The following NEK4 variants were observed in gnomAD, a reference collection of about 807,000 sequenced individuals.
The protein encoded by NEK4 is serine/threonine-protein kinase Nek4.
NEK4 carries 86 observed loss-of-function variants against 98.4 expected under a neutral mutation model. The ratio of observed to expected loss-of-function variants is 0.87; its 90% CI spans 0.73 to 1.05. The LOEUF (loss-of-function observed/expected upper bound fraction) is 1.05. NEK4 is among the 50% of genes least tolerant of loss of function. The pLI is 0.00. For synonymous variants in NEK4, 328 were observed against 342.2 expected (o/e 0.96, Z 0.46); for missense variants, 898 against 950.3 (o/e 0.94, Z 0.72).
At chr3:52,742,535 A>G (rs1439722010) in intron 12 of NEK4, among the ~76,000 whole-genome samples, 1 of 152,226 alleles carries the variant, frequency 6.6e-6, no homozygotes, top group Non-Finnish European at 1.5e-5. Context: ...GAACAGGAAG[A>G]ATTCCCAGAG....
chr3:52,739,660 T>A (rs1420911019), intron 13 of NEK4, 26 bp from the exon 14 acceptor site: 1 of 1,569,094 alleles, frequency 6.4e-7, no homozygotes, highest in Non-Finnish European at 8.7e-7. Context: ...ATCCCTTTGT[T>A]ATTTAATTGG....
At chr3:52,740,963 G>A (rs1451691884) in intron 13 of NEK4, among the ~76,000 whole-genome samples, 1 of 150,288 alleles carries the variant, frequency 6.7e-6, no homozygotes, top group Non-Finnish European at 1.5e-5. Context: ...GGCGGGGCGT[G>A]GTGGCTCACG....
intron 6 of NEK4, among the ~76,000 whole-genome samples, chr3:52,756,478 A>C (rs777719794): frequency 6.6e-6 from 1 of 152,258 alleles, no homozygotes; most frequent in Non-Finnish European, 1.5e-5. Flanking sequence ...ATTTTTGACA[A>C]AGATGCCAAG....
At chr3:52,735,180 G>C (rs2097374240) in intron 15 of NEK4, among the ~76,000 whole-genome samples, 1 of 152,198 alleles carries the variant, frequency 6.6e-6, no homozygotes, top group Non-Finnish European at 1.5e-5. Context: ...TACAAAGGAA[G>C]TGTCAAATGA....
intron 13 of NEK4, 26 bp from the exon 14 acceptor site, chr3:52,739,660 T>C: frequency 6.4e-7 from 1 of 1,569,096 alleles, no homozygotes; most frequent in Non-Finnish European, 8.7e-7. Flanking sequence ...ATCCCTTTGT[T>C]ATTTAATTGG....
chr3:52,743,113 A>T (rs1385850755), intron 12 of NEK4: 1 of 411,176 alleles, frequency 2.4e-6, no homozygotes, highest in Non-Finnish European at 4.4e-6. Context: ...CAACCTATGA[A>T]ATATTTTTAA....
chr3:52,763,448 A>G (rs1452632488), intron 5 of NEK4, 22 bp downstream of exon 5: 7 of 1,602,202 alleles, frequency 4.4e-6, no homozygotes, highest in African/African-American at 1.3e-5. Context: ...TAGCCCAGCT[A>G]TTTGCAAGGG....
At chr3:52,744,772 GGA>G (rs2097393063) in intron 10 of NEK4, among the ~76,000 whole-genome samples, 1 of 151,606 alleles carries the variant, frequency 6.6e-6, no homozygotes, top group Non-Finnish European at 1.5e-5. Context: ...TGGACTTAGA[GGA>G]GTGTCCATTG....
chr3:52,739,640 G>A lies in NEK4; in HGVS notation c.2094-6C>T. 1 of 1,602,252 alleles carries A rather than the reference G, an allele frequency of 6.2e-7. No individual in the cohort carries two copies. The highest frequency in any genetic ancestry group is 2.2e-5 in the East Asian group (1 of 44,746). On this transcript the variant is annotated splice_polypyrimidine_tract_variant and splice_region_variant and intron_variant, in intron 13 of 15. Coordinates refer to ENST00000233027, the MANE Select transcript of NEK4 (RefSeq NM_003157.6). ...TTTCATTTGTCTGACCTTTCCTGGG[G>A]GAAAAAAATATCCCTTTGTTATTTA... is the stretch of plus-strand genomic sequence containing the variant.
At chr3:52,758,848 T>C (rs1330999320) in intron 6 of NEK4, among the ~76,000 whole-genome samples, 1 of 151,970 alleles carries the variant, frequency 6.6e-6, no homozygotes, top group Non-Finnish European at 1.5e-5. Context: ...ATACCTGTAA[T>C]ATCAGCACTT....
At position 52,770,634 on chromosome 3, in the gene NEK4, C is replaced by G; in HGVS notation, c.93+20G>C. 6.5e-7 allele frequency: 1 copy of G among 1,532,876 alleles called. No homozygotes were observed. The highest frequency in any genetic ancestry group is 8.8e-7 in the Non-Finnish European group (1 of 1,134,010). 95.0% of individuals were successfully genotyped at this position (1,532,876 alleles called of 1,614,324 possible). On this transcript the variant is annotated intron_variant, in intron 1 of 15. Coordinates refer to ENST00000233027, the MANE Select transcript of NEK4 (RefSeq NM_003157.6). Reference sequence around the variant, plus strand: ...ACTTCTGCCCGCCCCCGCCCCTTGCCGGGCCCCACCCCTGCAGACCTGCTT... The same window carrying G: ...ACTTCTGCCCGCCCCCGCCCCTTGCGGGGCCCCACCCCTGCAGACCTGCTT...
At chr3:52,747,760 C>T (rs1452942170) in intron 8 of NEK4, among the ~76,000 whole-genome samples, 1 of 148,850 alleles carries the variant, frequency 6.7e-6, no homozygotes, top group East Asian at 2.0e-4. Context: ...GTCTGAGCAA[C>T]AGAGTGAGAC....
chr3:52,731,035 T>G (rs1468809092), intron 15 of NEK4, among the ~76,000 whole-genome samples: 2 of 152,224 alleles, frequency 1.3e-5, no homozygotes, highest in Non-Finnish European at 2.9e-5. Context: ...TAAAATGGTA[T>G]ATTTTATCTC....
At chr3:52,751,904 C>T in intron 7 of NEK4, 28 bp downstream of exon 7, 1 of 1,578,938 alleles carries the variant, frequency 6.3e-7, no homozygotes, top group East Asian at 2.3e-5. Flanking sequence ...TCTCCAAAAC[C>T]AGTATCTCAT....
In NEK4 at chr3:52,746,265, T is replaced by A. The variant is rs1333338210; in HGVS notation, c.1678-55A>T. ...TTTCATATATAGCCCCTTCCAATGTTCCCCTATCAGCAGGTTCTCTATGTA... is the reference window on the plus strand; with the variant it reads ...TTTCATATATAGCCCCTTCCAATGTACCCCTATCAGCAGGTTCTCTATGTA... On this transcript the variant is annotated intron_variant, in intron 9 of 15. Coordinates refer to ENST00000233027, the MANE Select transcript of NEK4 (RefSeq NM_003157.6). The A allele has an allele frequency of 3.3e-6, 5 of 1,518,592 alleles. No individual in the cohort carries two copies. In the Admixed American group the frequency reaches 6.9e-5, roughly 21 times the overall value. The allele number at this position is 1,518,592 out of a possible 1,614,324, so 94.1% of individuals were successfully genotyped here.
At chr3:52,741,598 C>A in intron 12 of NEK4, 99 bp from the exon 13 acceptor site, 1 of 703,318 alleles carries the variant, frequency 1.4e-6, no homozygotes, top group Non-Finnish European at 2.5e-6. Flanking sequence ...ACAATACGTT[C>A]CTAGGTGCAA....
intron 2 of NEK4, 59 bp downstream of exon 2, chr3:52,768,279 C>A: frequency 6.6e-7 from 1 of 1,517,296 alleles, no homozygotes; most frequent in Non-Finnish European, 9.0e-7. Context: ...TCCTAAAATA[C>A]ACCTGCCATC....
chr3:52,763,383 C>G lies in NEK4; in HGVS notation c.821+87G>C, dbSNP rs1360973956. On this transcript the variant is annotated intron_variant, in intron 5 of 15. Transcript: ENST00000233027. ...ATTTCTTGTTTTTAAGAAAACTCACCATTAATTCTTGCATATGAATATTAC... is the reference window on the plus strand; with the variant it reads ...ATTTCTTGTTTTTAAGAAAACTCACGATTAATTCTTGCATATGAATATTAC... The G allele has an allele frequency of 3.9e-6, 5 of 1,286,330 alleles. No individual in the cohort carries two copies. The African/African-American group carries it at 7.5e-5, about 19-fold the overall frequency. The allele number at this position is 1,286,330 out of a possible 1,614,324, so 79.7% of individuals were successfully genotyped here.
rs575639608 is a variant in NEK4 at position 52,708,977 on chromosome 3, G to A, written c.*2800C>T. 15 of 152,318 alleles carry A rather than the reference G, an allele frequency of 9.8e-5. No individual in the cohort carries two copies. The highest frequency in any genetic ancestry group is 3.4e-4 in the African/African-American group (14 of 41,560). The allele number at this position is 152,318 out of a possible 1,614,324, so 9.4% of individuals were successfully genotyped here. On this transcript the variant is annotated 3_prime_UTR_variant, in exon 16 of 16. Transcript: ENST00000233027. ...AAGGCAGGCAGATCACCTGAGGTCA[G>A]GAGTTCAAGACCAGCCTGGCCAACA... is the stretch of plus-strand genomic sequence containing the variant.
Sources: gnomAD v4.1 joint callset for allele counts (sites outside exome capture counted in the v4.1 genomes callset) on GRCh38, gnomAD v4.1.1 for gene constraint, MANE v1.5 for transcripts, NCBI Gene and HGNC (gene_info 2026-07-23, HGNC 2026-07-21) for gene names.